PRR16: variants seen among roughly 807,000 people sequenced by gnomAD.
PRR16 encodes the protein protein Largen.
In PRR16, 6 loss-of-function variants were observed where a neutral mutation model predicts 18.2. The observed-to-expected ratio is 0.33, with a 90% CI of 0.18 to 0.65. The LOEUF (loss-of-function observed/expected upper bound fraction) is 0.65, where lower values mean the gene tolerates loss of function less well. Ranked by LOEUF, PRR16 falls within the 30% of genes least tolerant of loss-of-function variation. The pLI is 0.74. For synonymous variants in PRR16, 151 were observed against 147.8 expected (o/e 1.02, Z -0.16); for missense variants, 412 against 376.6 (o/e 1.09, Z -0.78).
At chr5:120,748,699 A>G in the PRR16 span, among the ~76,000 whole-genome samples, 1 of 152,132 alleles carries the variant, frequency 6.6e-6, no homozygotes, top group Admixed American at 6.6e-5. Flanking sequence ...TTCATTTAAT[A>G]GGTAACATGT....
the PRR16 span, among the ~76,000 whole-genome samples, chr5:120,744,722 T>C: frequency 6.6e-6 from 1 of 152,220 alleles, no homozygotes; most frequent in Non-Finnish European, 1.5e-5. Context: ...TGTATCATTA[T>C]TTTTGCATAT....
In PRR16 at chr5:120,464,420, G is replaced by C. The variant is rs1012050963; in HGVS notation, c.-67G>C. 6.8e-7 allele frequency: 1 copy of C among 1,478,494 alleles called. No homozygotes were observed. Among genetic ancestry groups the C allele is most frequent in the Non-Finnish European group, 9.0e-7 (1 of 1,111,354 alleles). 91.6% of individuals were successfully genotyped at this position (1,478,494 alleles called of 1,614,324 possible). A position where few individuals can be genotyped will look rare whatever the true frequency, so the allele number is the denominator to read the frequency against. On this transcript the variant is annotated 5_prime_UTR_variant, in exon 1 of 2. Coordinates refer to ENST00000407149, the MANE Select transcript of PRR16 (RefSeq NM_001300783.2). ...GGCGGCAGCGGCCGTAGCAGCGCCAGGGACGGGGGCACGCAGCAGCCTCCG... is the reference window on the plus strand; with the variant it reads ...GGCGGCAGCGGCCGTAGCAGCGCCACGGACGGGGGCACGCAGCAGCCTCCG...
At chr5:120,770,265 A>G in the PRR16 span, among the ~76,000 whole-genome samples, 1 of 151,990 alleles carries the variant, frequency 6.6e-6, no homozygotes, top group Non-Finnish European at 1.5e-5. Context: ...CCAGTAGAAC[A>G]GAATAGACAG....
intron 1 of PRR16, among the ~76,000 whole-genome samples, chr5:120,614,658 C>A (rs1208639544): frequency 6.6e-6 from 1 of 152,142 alleles, no homozygotes; most frequent in Non-Finnish European, 1.5e-5. Flanking sequence ...TTGTAGTTGG[C>A]AGGAATGTTC....
At chr5:120,652,403 A>C (rs1156544351) in intron 1 of PRR16, among the ~76,000 whole-genome samples, 1 of 152,112 alleles carries the variant, frequency 6.6e-6, no homozygotes, top group Non-Finnish European at 1.5e-5. Context: ...CAGTAGGGAA[A>C]GATAGAGGAA....
At chr5:120,580,550 G>C (rs929484742) in intron 1 of PRR16, among the ~76,000 whole-genome samples, 4 of 149,958 alleles carry the variant, frequency 2.7e-5, no homozygotes, top group Admixed American at 2.0e-4. Flanking sequence ...CACCTCCCAG[G>C]TTCACGCCAT....
chr5:120,616,371 T>C (rs1038242431), intron 1 of PRR16, among the ~76,000 whole-genome samples: 1 of 152,206 alleles, frequency 6.6e-6, no homozygotes, highest in African/African-American at 2.4e-5. Context: ...AACTGCCCTC[T>C]GGAACTTAGA....
At chr5:120,664,515 G>A (rs377723935) in intron 1 of PRR16, among the ~76,000 whole-genome samples, 1 of 151,230 alleles carries the variant, frequency 6.6e-6, no homozygotes, top group Admixed American at 6.6e-5. Flanking sequence ...GTGCAGGTTA[G>A]TTACATATGT....
At chr5:120,596,699 C>T (rs1331595163) in intron 1 of PRR16, among the ~76,000 whole-genome samples, 5 of 151,668 alleles carry the variant, frequency 3.3e-5, no homozygotes, top group African/African-American at 4.8e-5. Flanking sequence ...CTCTTCTCTT[C>T]GTTCTCCCTT....
intron 1 of PRR16, among the ~76,000 whole-genome samples, chr5:120,524,129 C>T (rs1398028844): frequency 6.6e-6 from 1 of 152,178 alleles, no homozygotes; most frequent in Non-Finnish European, 1.5e-5. Context: ...GTAAACTCCT[C>T]AGTGGCACAT....
At chr5:120,716,898 C>T in the PRR16 span, among the ~76,000 whole-genome samples, 1 of 151,856 alleles carries the variant, frequency 6.6e-6, no homozygotes, top group African/African-American at 2.4e-5. Flanking sequence ...ATAAAACAAA[C>T]AAAAATCATG....
the PRR16 span, among the ~76,000 whole-genome samples, chr5:120,728,431 A>G: frequency 1.3e-5 from 2 of 151,916 alleles, no homozygotes; most frequent in Admixed American, 6.6e-5. Context: ...GAGAATTCTT[A>G]AAGTTATTAA....
chr5:120,766,504 T>C, the PRR16 span, among the ~76,000 whole-genome samples: 2 of 152,002 alleles, frequency 1.3e-5, no homozygotes, highest in Non-Finnish European at 2.9e-5. Flanking sequence ...GTGTCATATA[T>C]ACATTGCAAA....
the PRR16 span, among the ~76,000 whole-genome samples, chr5:120,694,703 T>C: frequency 2.7e-5 from 4 of 150,006 alleles, no homozygotes; most frequent in Admixed American, 2.7e-4. Flanking sequence ...AAAAAAGAAT[T>C]CTAAGAAAAC....
intron 1 of PRR16, among the ~76,000 whole-genome samples, chr5:120,548,382 C>T (rs1338397441): frequency 1.3e-5 from 2 of 152,044 alleles, no homozygotes; most frequent in Non-Finnish European, 2.9e-5. Context: ...GCTCAGCTAG[C>T]CTTTAGTTAC....
At chr5:120,635,355 G>A (rs1052779608) in intron 1 of PRR16, among the ~76,000 whole-genome samples, 1 of 152,092 alleles carries the variant, frequency 6.6e-6, no homozygotes, top group Non-Finnish European at 1.5e-5. Context: ...GAACATCAGT[G>A]CAAAAATCCT....
Position 120,599,805 on chromosome 5 carries a change from T to G in PRR16, c.160-86149T>G, listed in dbSNP as rs2112788216. 1.3e-5 allele frequency among the ~76,000 whole-genome samples: 2 copies of G among 151,988 alleles called. 1 individual carries two copies. The highest frequency in any genetic ancestry group is 3.9e-4 in the East Asian group (2 of 5,174). On this transcript the variant is annotated intron_variant, in intron 1 of 1. Transcript: ENST00000407149. ...AACCAAGTCTTTCCCCATGTATTAT[T>G]GCTGACATAGTCCAACCAGTGACTC...
At chr5:120,750,511 A>G in the PRR16 span, among the ~76,000 whole-genome samples, 3 of 151,872 alleles carry the variant, frequency 2.0e-5, no homozygotes. Context: ...AAAAAACAAA[A>G]CAAAAATTAG....
At chr5:120,653,579 A>G (rs1158134745) in intron 1 of PRR16, among the ~76,000 whole-genome samples, 2 of 152,060 alleles carry the variant, frequency 1.3e-5, no homozygotes, top group African/African-American at 2.4e-5. Context: ...CAGAGGTAGG[A>G]AGGGATATCT....
Sources: gnomAD v4.1 joint callset for allele counts (sites outside exome capture counted in the v4.1 genomes callset) on GRCh38, gnomAD v4.1.1 for gene constraint, MANE v1.5 for transcripts, NCBI Gene and HGNC (gene_info 2026-07-23, HGNC 2026-07-21) for gene names.